CDYL2: variants seen among roughly 807,000 people sequenced by gnomAD.
The protein encoded by CDYL2 is chromodomain Y like 2, also known as chromodomain Y-like protein 2.
CDYL2 carries 23 observed loss-of-function variants against 49.4 expected under a neutral mutation model. That is an observed-to-expected ratio of 0.47 (90% confidence interval 0.34 to 0.66). The LOEUF is 0.66. Among genes scored for constraint, CDYL2 ranks in the 30% least tolerant of loss-of-function variants. The pLI, the probability that CDYL2 is intolerant of heterozygous loss-of-function variation, is 0.01. For missense variants in CDYL2, 678 were observed against 656.4 expected, an observed-to-expected ratio of 1.03 and a Z score of -0.36; for synonymous variants, 360 against 268.8, an observed-to-expected ratio of 1.34 and a Z score of -3.32.
chr16:80,677,858 C>G (rs1466281577), intron 2 of CDYL2, among the ~76,000 whole-genome samples: 1 of 151,906 alleles, frequency 6.6e-6, no homozygotes, highest in Non-Finnish European at 1.5e-5. Context: ...TGACTTCAAA[C>G]TATACTACAA....
rs541298809 is a variant in CDYL2 at position 80,640,152 on chromosome 16, C to G, written c.617-6916G>C. On this transcript the variant is annotated intron_variant, in intron 2 of 6. Transcript: ENST00000570137. The stretch of plus-strand genomic sequence containing the variant: ...ACCAGCTGGGGTGGCTAAGGGAGTG[C>G]TGGTATCACCGCTCTCCTAACACCA... Among the ~76,000 whole-genome samples the G allele has an allele frequency of 7.9e-5, 12 of 152,274 alleles. No individual in the cohort carries two copies. In the East Asian group the frequency reaches 2.3e-3, roughly 29 times the overall value.
intron 1 of CDYL2, among the ~76,000 whole-genome samples, chr16:80,715,134 G>T (rs1228674050): frequency 6.6e-6 from 1 of 152,128 alleles, no homozygotes; most frequent in East Asian, 1.9e-4. Flanking sequence ...CGGTACACAA[G>T]CAGAACTTCG....
intron 5 of CDYL2, among the ~76,000 whole-genome samples, chr16:80,611,912 G>T (rs905129889): frequency 5.9e-5 from 9 of 152,232 alleles, no homozygotes; most frequent in African/African-American, 2.2e-4. Flanking sequence ...GTTGGACAGT[G>T]GCTCTGTCTG....
chr16:80,645,026 C>G (rs1908272810), intron 2 of CDYL2, among the ~76,000 whole-genome samples: 1 of 152,026 alleles, frequency 6.6e-6, no homozygotes, highest in African/African-American at 2.4e-5. Context: ...GACCTAAAAC[C>G]ATAAAAACCC....
intron 1 of CDYL2, among the ~76,000 whole-genome samples, chr16:80,707,969 T>A (rs1239475272): frequency 6.6e-6 from 1 of 152,078 alleles, no homozygotes; most frequent in Non-Finnish European, 1.5e-5. Context: ...CTTAAGTTTA[T>A]CCAGAAAGAA....
intron 1 of CDYL2, among the ~76,000 whole-genome samples, chr16:80,756,876 CAT>C (rs959670181): frequency 6.7e-6 from 1 of 149,172 alleles, no homozygotes. Flanking sequence ...AAAAAAAACA[CAT>C]GATTTCATTA....
At chr16:80,796,576 TA>T (rs1907774409) in intron 1 of CDYL2, among the ~76,000 whole-genome samples, 1 of 152,238 alleles carries the variant, frequency 6.6e-6, no homozygotes, top group African/African-American at 2.4e-5. Context: ...ACACATCTGT[TA>T]TATGTCAGCA....
intron 1 of CDYL2, among the ~76,000 whole-genome samples, chr16:80,725,962 G>A (rs895581457): frequency 2.0e-5 from 3 of 152,296 alleles, no homozygotes; most frequent in South Asian, 2.1e-4. Context: ...TCACTCACCT[G>A]CTCTTACAAA....
intron 4 of CDYL2, among the ~76,000 whole-genome samples, chr16:80,613,518 A>G (rs982645417): frequency 6.6e-6 from 1 of 152,168 alleles, no homozygotes; most frequent in Non-Finnish European, 1.5e-5. Flanking sequence ...AAAATGCTGA[A>G]TATGTTAGGA....
intron 1 of CDYL2, among the ~76,000 whole-genome samples, chr16:80,720,816 G>C (rs900283142): frequency 6.6e-6 from 1 of 152,162 alleles, no homozygotes; most frequent in Non-Finnish European, 1.5e-5. Context: ...TTGTAATGTT[G>C]TTTCTGGTTT....
At chr16:80,611,806 C>T (rs1456432179) in intron 5 of CDYL2, among the ~76,000 whole-genome samples, 1 of 152,214 alleles carries the variant, frequency 6.6e-6, no homozygotes, top group Non-Finnish European at 1.5e-5. Flanking sequence ...GTGCTTCCTA[C>T]GTGCCAGCTG....
chr16:80,777,550 A>G (rs1907128895), intron 1 of CDYL2, among the ~76,000 whole-genome samples: 1 of 152,182 alleles, frequency 6.6e-6, no homozygotes, highest in Admixed American at 6.5e-5. Context: ...ATAACCAAAT[A>G]TATGGAAGAG....
chr16:80,777,567 T>C (rs1466624387), intron 1 of CDYL2, among the ~76,000 whole-genome samples: 1 of 152,138 alleles, frequency 6.6e-6, no homozygotes, highest in Non-Finnish European at 1.5e-5. Flanking sequence ...AGAGATATTC[T>C]GAAAATACAT....
At chr16:80,709,575 C>T (rs1248894654) in intron 1 of CDYL2, among the ~76,000 whole-genome samples, 1 of 149,814 alleles carries the variant, frequency 6.7e-6, no homozygotes, top group Non-Finnish European at 1.5e-5. Context: ...CACACACACA[C>T]ACACACACAC....
intron 1 of CDYL2, among the ~76,000 whole-genome samples, chr16:80,760,355 G>A (rs1253783197): frequency 1.3e-5 from 2 of 152,168 alleles, no homozygotes; most frequent in African/African-American, 4.8e-5. Context: ...GGGGGTTGGA[G>A]GGGAGATGGG....
rs975094159 is a variant in CDYL2 at position 80,704,622 on chromosome 16, G to A, written c.25-19493C>T. On this transcript the variant is annotated intron_variant, in intron 1 of 6. Coordinates refer to ENST00000570137, the MANE Select transcript of CDYL2 (RefSeq NM_152342.4). ...CTTGGCAGTCAGGGAAGACTCCTTG[G>A]AGGAAGTGACATTCAGAATGGAAGG... 3.9e-5 allele frequency among the ~76,000 whole-genome samples: 6 copies of A among 152,348 alleles called. No individual in the cohort carries two copies. In the East Asian group the frequency reaches 1.2e-3, roughly 29 times the overall value.
At chr16:80,787,919 T>C (rs1163185042) in intron 1 of CDYL2, among the ~76,000 whole-genome samples, 3 of 152,138 alleles carry the variant, frequency 2.0e-5, no homozygotes, top group Non-Finnish European at 4.4e-5. Context: ...ATTATCTGCC[T>C]TACCCATAGG....
At chr16:80,665,403 G>T (rs1909218627) in intron 2 of CDYL2, among the ~76,000 whole-genome samples, 1 of 151,268 alleles carries the variant, frequency 6.6e-6, no homozygotes, top group South Asian at 2.1e-4. Context: ...TCAATGCCAT[G>T]CCTGGCACAC....
chr16:80,672,234 T>C (rs1395446092), intron 2 of CDYL2, among the ~76,000 whole-genome samples: 1 of 151,310 alleles, frequency 6.6e-6, no homozygotes, highest in South Asian at 2.1e-4. Context: ...ATATGAAGAG[T>C]TGCCCAATAT....
Sources: allele counts gnomAD v4.1 joint callset (sites outside exome capture counted in the v4.1 genomes callset), GRCh38; gene constraint gnomAD v4.1.1; transcripts MANE v1.5; gene names NCBI Gene and HGNC (gene_info 2026-07-23, HGNC 2026-07-21).